Variants in NASP observed in about 807,000 individuals in gnomAD.
NASP encodes the protein NASP histone chaperone.
NASP carries 24 observed loss-of-function variants against 89.5 expected under a neutral mutation model. The ratio of observed to expected loss-of-function variants is 0.27; its 90% CI spans 0.19 to 0.38. The LOEUF (loss-of-function observed/expected upper bound fraction) is 0.38. Ranked by LOEUF, NASP falls within the 10% of genes least tolerant of loss-of-function variation. NASP has a pLI of 1.00. For synonymous variants in NASP, 306 were observed against 324.7 expected (o/e 0.94, Z 0.62); for missense variants, 848 against 921.4 (o/e 0.92, Z 1.03).
intron 2 of NASP, among the ~76,000 whole-genome samples, chr1:45,599,854 C>G (rs761467069): frequency 6.6e-6 from 1 of 152,062 alleles, no homozygotes; most frequent in Non-Finnish European, 1.5e-5. Flanking sequence ...CCAGCTTACT[C>G]TAGCCAGAAG....
At position 45,586,501 on chromosome 1, in the gene NASP, TG is replaced by T. The variant is rs1248696255; in HGVS notation, c.59+2298del. On this transcript the variant is annotated intron_variant, in intron 1 of 14. Coordinates refer to ENST00000350030, the MANE Select transcript of NASP (RefSeq NM_002482.4). Reference sequence around the variant, plus strand: ...CGAGTTTTTGCCATGTTGCCCAGGCTGGTCTCCCAACGCCTAGGCTCAAGGG... The same window carrying T: ...CGAGTTTTTGCCATGTTGCCCAGGCTGTCTCCCAACGCCTAGGCTCAAGGG... Among the ~76,000 whole-genome samples the T allele has an allele frequency of 3.9e-5, 6 of 152,302 alleles. No homozygotes were observed. The East Asian group carries it at 9.6e-4, about 24-fold the overall frequency.
chr1:45,590,109 ATAACCGTT>A (rs1296111715), intron 1 of NASP, among the ~76,000 whole-genome samples: 2 of 152,180 alleles, frequency 1.3e-5, no homozygotes, highest in African/African-American at 4.8e-5. Context: ...TCAAACTGTT[ATAACCGTT>A]CCTCCAAATG....
intron 6 of NASP, chr1:45,610,051 T>C (rs1385743996): frequency 6.6e-6 from 1 of 152,066 alleles, no homozygotes; most frequent in Admixed American, 6.6e-5. Context: ...ATACAAAAAT[T>C]AGCTGGACGT....
At position 45,608,346 on chromosome 1, in the gene NASP, G is replaced by A; in HGVS notation, c.1426+9G>A. The A allele has an allele frequency of 6.3e-7, 1 of 1,593,942 alleles. No homozygotes were observed. Among genetic ancestry groups the A allele is most frequent in the Non-Finnish European group, 8.5e-7 (1 of 1,169,700 alleles). On this transcript the variant is annotated intron_variant, in intron 6 of 14. Coordinates refer to ENST00000350030, the MANE Select transcript of NASP (RefSeq NM_002482.4). ...GATGAAAGAGGGTGAAGGTAACCGG[G>A]ATATGCAAGAGCTGCAGTGGGTGGA...
intron 4 of NASP, chr1:45,605,748 CA>C (rs1471473858): frequency 6.8e-6 from 1 of 147,362 alleles, no homozygotes; most frequent in African/African-American, 2.5e-5. Flanking sequence ...AGGCGTGAGT[CA>C]CTGCGCCTGG....
Position 45,590,423 on chromosome 1 carries a change from G to A in NASP, c.60-800G>A, listed in dbSNP as rs547342668. On this transcript the variant is annotated intron_variant, in intron 1 of 14. Transcript: ENST00000350030. ...GCCGGGCATGGTGGCCGGTGCACAG[G>A]CACCGGCCTGGCACCAGGCCCAGGC... Among the ~76,000 whole-genome samples the A allele has an allele frequency of 4.0e-5, 6 of 151,264 alleles. No individual in the cohort carries two copies. The South Asian group carries it at 1.3e-3, about 32-fold the overall frequency.
chr1:45,588,000 G>A (rs960104386), intron 1 of NASP, among the ~76,000 whole-genome samples: 2 of 151,684 alleles, frequency 1.3e-5, no homozygotes, highest in African/African-American at 4.8e-5. Flanking sequence ...AACACTGTGG[G>A]AAGCCAACAC....
chr1:45,616,318 GA>G lies in NASP; in HGVS notation c.2023-18del, dbSNP rs766943029. On this transcript the variant is annotated intron_variant, in intron 11 of 14. Transcript: ENST00000350030. ...TGGGTTCTATCTTCAAACTAATTTG[GA>G]TTTGTCATTTCTCGCAGGTGGAGAG... 1.2e-5 allele frequency: 20 copies of G among 1,613,348 alleles called. No homozygotes were observed. In the South Asian group the frequency reaches 2.2e-4, roughly 18 times the overall value.
intron 12 of NASP, 82 bp from the exon 13 acceptor site, chr1:45,616,544 C>G: frequency 6.5e-7 from 1 of 1,535,174 alleles, no homozygotes; most frequent in Non-Finnish European, 9.0e-7. Flanking sequence ...GACCTTGTCT[C>G]TGAAAAACTA....
rs1165688831 is a variant in NASP, at chr1:45,613,258, T to C, written c.1506+10T>C. 6.2e-7 allele frequency: 1 copy of C among 1,607,706 alleles called. No individual in the cohort carries two copies. Among genetic ancestry groups the C allele is most frequent in the Admixed American group, 1.7e-5 (1 of 58,962 alleles). On this transcript the variant is annotated intron_variant, in intron 7 of 14. Transcript: ENST00000350030. Reference sequence around the variant, plus strand: ...AGTCCTTGAAAACAAGGTATGTTGTTAGCCACTCAGTACTGTTGTCAGCCT... The same window carrying C: ...AGTCCTTGAAAACAAGGTATGTTGTCAGCCACTCAGTACTGTTGTCAGCCT...
At chr1:45,596,893 G>T (rs1480800012) in intron 2 of NASP, among the ~76,000 whole-genome samples, 1 of 152,168 alleles carries the variant, frequency 6.6e-6, no homozygotes, top group African/African-American at 2.4e-5. Context: ...TGAGGCAGGA[G>T]AATCGCTTGA....
At chr1:45,602,480 T>C in intron 3 of NASP, 115 bp downstream of exon 3, 1 of 1,014,370 alleles carries the variant, frequency 9.9e-7, no homozygotes. Flanking sequence ...AACATTTGAT[T>C]ATTTTTCATG....
intron 11 of NASP, 22 bp from the exon 12 acceptor site, chr1:45,616,315 T>C: frequency 6.2e-7 from 1 of 1,613,146 alleles, no homozygotes; most frequent in Non-Finnish European, 8.5e-7. Context: ...TCAAACTAAT[T>C]TGGATTTGTC....
chr1:45,588,335 C>T (rs1284813606), intron 1 of NASP, among the ~76,000 whole-genome samples: 1 of 152,130 alleles, frequency 6.6e-6, no homozygotes, highest in African/African-American at 2.4e-5. Context: ...AACTCCTGAC[C>T]TCAGGTGATC....
chr1:45,614,413 C>T (rs976941617), intron 9 of NASP, 47 bp downstream of exon 9: 7 of 1,408,854 alleles, frequency 5.0e-6, no homozygotes, highest in African/African-American at 1.4e-5. Context: ...TCAGCTCCCT[C>T]GTTCTTCCTC....
chr1:45,607,803 G>A lies in NASP; in HGVS notation c.892G>A (p.Glu298Lys), dbSNP rs752400756. The A allele has an allele frequency of 6.2e-7, 1 of 1,614,202 alleles. No individual in the cohort carries two copies. The highest frequency in any genetic ancestry group is 8.5e-7 in the Non-Finnish European group (1 of 1,180,038). ...KQGTAVEVEA[E>K]SLDPTVKPVD... is the part of the protein sequence containing the mutation. ...GGGCACTGCAGTGGAGGTAGAAGCA[G>A]AGTCTTTAGACCCGACAGTCAAGCC... is the stretch of plus-strand genomic sequence containing the variant. The change falls in exon 6 of 15, where the codon GAG becomes AAG. Residue 298 changes from glutamate to lysine, a missense_variant. Physicochemically the swap from Glu to Lys is moderately conservative, Grantham distance 56. This residue lies in a region of NASP where 464 missense variants were observed against 469.4 expected (regional missense o/e 0.99). Transcript: ENST00000350030.
Position 45,584,215 on chromosome 1 carries a change from A to G in NASP, c.59+10A>G, listed in dbSNP as rs1179500788. 4 of 1,579,664 alleles carry G rather than the reference A, an allele frequency of 2.5e-6. No individual in the cohort carries two copies. The highest frequency in any genetic ancestry group is 2.7e-5 in the African/African-American group (2 of 74,348). ...TGGTTTCTGCCGACAAGTAAGCGGG[A>G]CTGTGGAAAGCTTAAGGCACTGGCC... On this transcript the variant is annotated intron_variant, in intron 1 of 14. Transcript: ENST00000350030.
At chr1:45,591,323 C>A in intron 2 of NASP, 53 bp downstream of exon 2, 2 of 1,138,178 alleles carry the variant, frequency 1.8e-6, no homozygotes, top group Non-Finnish European at 2.5e-6. Flanking sequence ...AAACTAAGAG[C>A]AATATAACTT....
intron 14 of NASP, 124 bp downstream of exon 14, chr1:45,617,715 CACAGAAAACGGT>C: frequency 8.5e-7 from 1 of 1,177,684 alleles, no homozygotes; most frequent in Non-Finnish European, 1.2e-6. Flanking sequence ...GTGCAGTCCT[CACAGAAAACGGT>C]ACTTGTGCAG....
Sources: allele counts gnomAD v4.1 joint callset (sites outside exome capture counted in the v4.1 genomes callset), GRCh38; gene constraint gnomAD v4.1.1; regional missense constraint gnomAD v4.1.1; transcripts MANE v1.5; gene names NCBI Gene and HGNC (gene_info 2026-07-23, HGNC 2026-07-21).